PRRC2C: variants seen among roughly 807,000 people sequenced by gnomAD.
PRRC2C encodes the protein proline rich coiled-coil 2C.
PRRC2C carries 72 observed loss-of-function variants against 317.2 expected under a neutral mutation model. The observed-to-expected ratio is 0.23, with a 90% CI of 0.19 to 0.28. The LOEUF (loss-of-function observed/expected upper bound fraction) is 0.28, where lower values mean the gene tolerates loss of function less well. Ranked by LOEUF, PRRC2C falls within the 10% of genes least tolerant of loss-of-function variation. The pLI is 1.00. For missense variants in PRRC2C, 3,074 were observed against 3,459.7 expected (o/e 0.89, Z 2.80); for synonymous variants, 1,296 against 1,205.9 (o/e 1.07, Z -1.55).
At chr1:171,520,387 G>T (rs1229566234) in intron 6 of PRRC2C, among the ~76,000 whole-genome samples, 1 of 152,168 alleles carries the variant, frequency 6.6e-6, no homozygotes, top group Non-Finnish European at 1.5e-5. Context: ...GAACTTTCAT[G>T]TGAGAGGGTA....
chr1:171,545,735 T>TCA (rs1571914972), intron 17 of PRRC2C, 48 bp downstream of exon 17: 2 of 1,125,300 alleles, frequency 1.8e-6, no homozygotes, highest in Non-Finnish European at 2.3e-6. Flanking sequence ...ATTTATTTAT[T>TCA]TATTTATTTA....
At chr1:171,519,902 C>G (rs1462640374) in intron 6 of PRRC2C, among the ~76,000 whole-genome samples, 8 of 152,072 alleles carry the variant, frequency 5.3e-5, no homozygotes, top group Admixed American at 5.2e-4. Context: ...ATTTTGCTGC[C>G]AAAGTGAGCA....
intron 20 of PRRC2C, among the ~76,000 whole-genome samples, chr1:171,563,248 T>C (rs766955068): frequency 6.6e-6 from 1 of 152,170 alleles, no homozygotes; most frequent in Non-Finnish European, 1.5e-5. Context: ...AAGTCTCATA[T>C]AAAATGAAGC....
Position 171,557,827 on chromosome 1 carries a change from A to T in PRRC2C, c.5715A>T (p.Pro1905=). ...IPASAPTASV[P]LAPASASAPA... ...CCTCAGCCCCAACTGCCTCAGTCCC[A>T]CTTGCCCCTGCCTCAGCTTCAGCCC... The change falls in exon 19 of 35, where the codon CCA becomes CCT. Residue 1905 remains proline, a synonymous_variant. Coordinates refer to ENST00000647382, the MANE Select transcript of PRRC2C (RefSeq NM_001387844.1). 1 of 1,546,026 alleles carries T rather than the reference A, an allele frequency of 6.5e-7. No individual in the cohort carries two copies. The highest frequency in any genetic ancestry group is 8.7e-7 in the Non-Finnish European group (1 of 1,144,318).
In PRRC2C at chr1:171,512,072, G is replaced by A. The variant is rs761249261; in HGVS notation, c.-17G>A. 11 of 1,507,956 alleles carry A rather than the reference G, an allele frequency of 7.3e-6. No homozygotes were observed. Among genetic ancestry groups the A allele is most frequent in the South Asian group, 6.1e-5 (5 of 82,318 alleles). The allele number at this position is 1,507,956 out of a possible 1,614,324, so 93.4% of individuals were successfully genotyped here. A position where few individuals can be genotyped will look rare whatever the true frequency, so the allele number is the denominator to read the frequency against. Reference sequence around the variant, plus strand: ...GGGTGTGGCAGGAGGTTTTGGACTCGATGAGTTTCCACCGAAATGTCGGAG... The same window carrying A: ...GGGTGTGGCAGGAGGTTTTGGACTCAATGAGTTTCCACCGAAATGTCGGAG... On this transcript the variant is annotated 5_prime_UTR_variant, in exon 2 of 35. Transcript: ENST00000647382.
rs767347022 is a variant in PRRC2C at position 171,561,113 on chromosome 1, G to C, written c.6117+10G>C. On this transcript the variant is annotated intron_variant, in intron 20 of 34. Coordinates refer to ENST00000647382, the MANE Select transcript of PRRC2C (RefSeq NM_001387844.1). ...AGCTCCTTCATCAGAGGTAAGAATA[G>C]GCTTTTAACAGCATAGGTGTGCTGG... is the stretch of plus-strand genomic sequence containing the variant. 1 of 1,563,418 alleles carries C rather than the reference G, an allele frequency of 6.4e-7. No homozygotes were observed. Among genetic ancestry groups the C allele is most frequent in the Admixed American group, 1.7e-5 (1 of 59,934 alleles).
At chr1:171,522,428 A>C in intron 7 of PRRC2C, 169 bp downstream of exon 7, 1 of 390,450 alleles carries the variant, frequency 2.6e-6, no homozygotes, top group Non-Finnish European at 4.7e-6. Context: ...CAGAACAGAA[A>C]TAATTCATTC....
intron 11 of PRRC2C, among the ~76,000 whole-genome samples, chr1:171,529,656 A>C (rs1156716512): frequency 6.6e-6 from 1 of 152,028 alleles, no homozygotes; most frequent in Non-Finnish European, 1.5e-5. Context: ...CTTTCCTCTT[A>C]TGCTGCCTGC....
chr1:171,495,074 G>A (rs1271193877), intron 1 of PRRC2C, among the ~76,000 whole-genome samples: 3 of 152,128 alleles, frequency 2.0e-5, no homozygotes, highest in South Asian at 4.1e-4. Flanking sequence ...TTTGCATTCA[G>A]TCGTTTGTTA....
chr1:171,574,574 C>T (rs1216850575), intron 24 of PRRC2C, among the ~76,000 whole-genome samples: 1 of 152,160 alleles, frequency 6.6e-6, no homozygotes, highest in African/African-American at 2.4e-5. Context: ...AGCAGCCAAC[C>T]AAAAGATGCC....
intron 1 of PRRC2C, among the ~76,000 whole-genome samples, chr1:171,496,536 A>T (rs527404442): frequency 3.9e-5 from 6 of 152,188 alleles, no homozygotes; most frequent in Admixed American, 1.3e-4. Flanking sequence ...CAAAAATAAT[A>T]CAAAGAATTA....
At chr1:171,560,749 A>G (rs183174503) in intron 19 of PRRC2C, among the ~76,000 whole-genome samples, 49 of 152,366 alleles carry the variant, frequency 3.2e-4, no homozygotes, top group Admixed American at 1.8e-3. Flanking sequence ...ATAACTTTTG[A>G]TATGCACTTG....
rs1648085111 is a variant in PRRC2C at position 171,579,747 on chromosome 1, CA to C, written c.7273-78del. 4.2e-6 allele frequency: 6 copies of C among 1,427,220 alleles called. No homozygotes were observed. The South Asian group carries it at 9.7e-5, about 23-fold the overall frequency. The allele number at this position is 1,427,220 out of a possible 1,614,324, so 88.4% of individuals were successfully genotyped here. ...TATTAATTTTACTCTTTTCATGTCT[CA>C]AATTTTTATATTCCAGTGTTAATGA... On this transcript the variant is annotated intron_variant, in intron 27 of 34. Transcript: ENST00000647382.
chr1:171,504,711 T>C (rs1375833124), intron 1 of PRRC2C, among the ~76,000 whole-genome samples: 1 of 152,196 alleles, frequency 6.6e-6, no homozygotes, highest in Non-Finnish European at 1.5e-5. Flanking sequence ...TCCAATTTCA[T>C]TCTTTTCAAA....
At position 171,591,885 on chromosome 1, in the gene PRRC2C, G is replaced by GCC; in HGVS notation, c.*38_*39insCC. On this transcript the variant is annotated 3_prime_UTR_variant, in exon 35 of 35. Transcript: ENST00000647382. ...ATTGCAGGGGATTGGGAGGGGGGCGGGAAAACATGGAGAATTAAGTCAGAT... is the reference window on the plus strand; with the variant it reads ...ATTGCAGGGGATTGGGAGGGGGGCGGCCGAAAACATGGAGAATTAAGTCAGAT... 2 of 433,590 alleles carry GCC rather than the reference G, an allele frequency of 4.6e-6. No individual in the cohort carries two copies. Among genetic ancestry groups the GCC allele is most frequent in the Non-Finnish European group, 4.3e-6 (1 of 233,616 alleles). The allele number at this position is 433,590 out of a possible 1,614,324, so 26.9% of individuals were successfully genotyped here. A position where few individuals can be genotyped will look rare whatever the true frequency, so the allele number is the denominator to read the frequency against.
At chr1:171,508,926 G>T (rs147065016) in intron 1 of PRRC2C, among the ~76,000 whole-genome samples, 3 of 149,904 alleles carry the variant, frequency 2.0e-5, no homozygotes, top group Non-Finnish European at 4.4e-5. Context: ...TTGCTCTGTC[G>T]CCCAGGCTGG....
chr1:171,577,892 C>T (rs1647460189), intron 26 of PRRC2C, among the ~76,000 whole-genome samples: 1 of 150,096 alleles, frequency 6.7e-6, no homozygotes, highest in South Asian at 2.1e-4. Flanking sequence ...ATCCTCTCAC[C>T]TCAGCCTCCC....
chr1:171,586,726 AC>A, intron 30 of PRRC2C, among the ~76,000 whole-genome samples: 1 of 150,960 alleles, frequency 6.6e-6, no homozygotes, highest in South Asian at 2.1e-4. Context: ...GACTACAGGC[AC>A]ATGCCACCAC....
At chr1:171,550,018 A>C in intron 17 of PRRC2C, 68 bp from the exon 18 acceptor site, 1 of 1,324,612 alleles carries the variant, frequency 7.5e-7, no homozygotes, top group Non-Finnish European at 1.0e-6. Flanking sequence ...GTACTACTGT[A>C]CTAAACATTT....
Sources: allele counts gnomAD v4.1 joint callset (sites outside exome capture counted in the v4.1 genomes callset), GRCh38; gene constraint gnomAD v4.1.1; transcripts MANE v1.5; gene names NCBI Gene and HGNC (gene_info 2026-07-23, HGNC 2026-07-21).